The following AGO3 variants were observed in gnomAD, a reference collection of about 807,000 sequenced individuals.
The protein encoded by AGO3 is protein argonaute-3.
Under a neutral mutation model 105.5 loss-of-function variants are expected in AGO3, and 16 were observed. The observed-to-expected ratio is 0.15, with a 90% confidence interval of 0.10 to 0.23. The LOEUF (loss-of-function observed/expected upper bound fraction) is 0.23. Among genes scored for constraint, AGO3 ranks in the 10% least tolerant of loss-of-function variants. The pLI is 1.00. For missense variants in AGO3, 534 were observed against 1,088.0 expected (o/e 0.49, Z 7.16); for synonymous variants, 340 against 367.3 (o/e 0.93, Z 0.85).
chr1:35,945,208 CTTTTCTTTT>C (rs556280298), intron 1 of AGO3, among the ~76,000 whole-genome samples: 64 of 136,630 alleles, frequency 4.7e-4, no homozygotes, highest in African/African-American at 1.7e-3. Flanking sequence ...CTTTTCTTTT[CTTTTCTTTT>C]TTTTTTTTAA....
At chr1:35,946,673 T>C (rs867606349) in intron 2 of AGO3, among the ~76,000 whole-genome samples, 1 of 152,316 alleles carries the variant, frequency 6.6e-6, no homozygotes, top group South Asian at 2.1e-4. Context: ...AAATAAGACA[T>C]GTAAGAAGTA....
chr1:36,047,026 C>G (rs148308158), intron 17 of AGO3, among the ~76,000 whole-genome samples: 2,321 of 152,266 alleles, frequency 0.015, 50 homozygotes, highest in African/African-American at 0.053. Flanking sequence ...AGGCAGAACA[C>G]CTGAGGTCGG....
At chr1:35,932,702 T>G (rs1557637337) in intron 1 of AGO3, among the ~76,000 whole-genome samples, 1 of 152,120 alleles carries the variant, frequency 6.6e-6, no homozygotes, top group Non-Finnish European at 1.5e-5. Flanking sequence ...TTTCGACTCT[T>G]ATTCAGTTTT....
intron 2 of AGO3, among the ~76,000 whole-genome samples, chr1:35,953,624 C>G (rs1014080272): frequency 3.3e-5 from 5 of 151,694 alleles, no homozygotes; most frequent in Non-Finnish European, 7.4e-5. Context: ...CTCCCAGGTT[C>G]AAGCGATTCT....
chr1:36,009,500 G>A lies in AGO3; in HGVS notation c.1055G>A (p.Arg352Gln), dbSNP rs764504147. ...GTCTGTAATATTGTGGCAGGGCAAC[G>A]ATGTATCAAGAAGCTAACAGACAAT... ...LEVCNIVAGQ[R>Q]CIKKLTDNQT... The change falls in exon 9 of 19, where the codon CGA becomes CAA. Residue 352 changes from arginine to glutamine, a missense_variant. By Grantham distance (43) the Arg-to-Gln change is conservative (BLOSUM62 1). Coordinates refer to ENST00000373191, the MANE Select transcript of AGO3 (RefSeq NM_024852.4). The A allele has an allele frequency of 1.9e-6, 3 of 1,613,446 alleles. No homozygotes were observed. Among genetic ancestry groups the A allele is most frequent in the African/African-American group, 1.3e-5 (1 of 74,864 alleles).
At position 36,062,248 on chromosome 1, in the gene AGO3, C is replaced by G. The variant is rs914338496; in HGVS notation, c.*6503C>G. 1.3e-5 allele frequency: 2 copies of G among 150,996 alleles called. No homozygotes were observed. Among genetic ancestry groups the G allele is most frequent in the African/African-American group, 4.9e-5 (2 of 40,974 alleles). 9.4% of individuals were successfully genotyped at this position (150,996 alleles called of 1,614,324 possible). A position where few individuals can be genotyped will look rare whatever the true frequency, so the allele number is the denominator to read the frequency against. On this transcript the variant is annotated 3_prime_UTR_variant, in exon 19 of 19. Coordinates refer to ENST00000373191, the MANE Select transcript of AGO3 (RefSeq NM_024852.4). ...CTCAATCTCAGCTTACTGCAAACTCCGCCTCCCGGGTTCAAGTGATTCTCG... is the reference window on the plus strand; with the variant it reads ...CTCAATCTCAGCTTACTGCAAACTCGGCCTCCCGGGTTCAAGTGATTCTCG...
intron 3 of AGO3, among the ~76,000 whole-genome samples, chr1:35,969,039 A>G (rs980612731): frequency 6.6e-6 from 1 of 151,910 alleles, no homozygotes; most frequent in Non-Finnish European, 1.5e-5. Context: ...GGCCATTTGT[A>G]TATCTTCTTT....
At chr1:36,053,745 ATTTTTTTTTT>A (rs71034711) in intron 17 of AGO3, among the ~76,000 whole-genome samples, 3 of 81,296 alleles carry the variant, frequency 3.7e-5, no homozygotes, top group South Asian at 4.6e-4. Context: ...CACCTGGCTA[ATTTTTTTTTT>A]TTTTTTTTTT....
At chr1:36,005,798 G>T (rs1640309238) in intron 6 of AGO3, 4 of 985,220 alleles carry the variant, frequency 4.1e-6, no homozygotes, top group African/African-American at 1.7e-5. Flanking sequence ...CTGCTCAGGG[G>T]CCCAAAGAAA....
At chr1:35,934,788 T>C (rs906014524) in intron 1 of AGO3, among the ~76,000 whole-genome samples, 1 of 152,046 alleles carries the variant, frequency 6.6e-6, no homozygotes, top group Non-Finnish European at 1.5e-5. Context: ...GTAGATGGGA[T>C]TACAGGCGCG....
rs530013281 is a variant in AGO3 at position 36,019,862 on chromosome 1, G to A, written c.1406+5814G>A. ...CGGCTCACTGCAACTTCCACCTCCC[G>A]GGTTCAAGCAATTCTTGTGCCTCAG... On this transcript the variant is annotated intron_variant, in intron 11 of 18. Transcript: ENST00000373191. 1.1e-4 allele frequency among the ~76,000 whole-genome samples: 16 copies of A among 152,094 alleles called. No individual in the cohort carries two copies. The East Asian group carries it at 1.7e-3, about 17-fold the overall frequency.
At chr1:36,007,435 G>A (rs1640389726) in intron 6 of AGO3, among the ~76,000 whole-genome samples, 1 of 152,116 alleles carries the variant, frequency 6.6e-6, no homozygotes, top group African/African-American at 2.4e-5. Context: ...GGTGGCTCAC[G>A]CCTGTAATCT....
chr1:35,956,570 G>A lies in AGO3; in HGVS notation c.192-10385G>A, dbSNP rs549849225. 2.6e-5 allele frequency among the ~76,000 whole-genome samples: 4 copies of A among 151,986 alleles called. No homozygotes were observed. In the East Asian group the frequency reaches 7.7e-4, roughly 29 times the overall value. ...AAAACACACAGGGATTGGAAAGATA[G>A]GAGAACCAGGACAAAGTAGAAGCTA... On this transcript the variant is annotated intron_variant, in intron 2 of 18. Coordinates refer to ENST00000373191, the MANE Select transcript of AGO3 (RefSeq NM_024852.4).
chr1:35,934,721 G>A (rs772236038), intron 1 of AGO3, among the ~76,000 whole-genome samples: 1 of 151,970 alleles, frequency 6.6e-6, no homozygotes, highest in Non-Finnish European at 1.5e-5. Flanking sequence ...CATGATATTG[G>A]CTCACTGCAG....
At chr1:36,014,411 G>A (rs1166033130) in intron 11 of AGO3, among the ~76,000 whole-genome samples, 3 of 151,646 alleles carry the variant, frequency 2.0e-5, no homozygotes, top group Non-Finnish European at 4.4e-5. Context: ...GCCCGCCTTG[G>A]CCCCCCAAGG....
At position 36,058,865 on chromosome 1, in the gene AGO3, TC is replaced by T. The variant is rs1287563383; in HGVS notation, c.*3121del. 1.3e-5 allele frequency: 2 copies of T among 152,120 alleles called. No individual in the cohort carries two copies. Among genetic ancestry groups the T allele is most frequent in the East Asian group, 3.8e-4 (2 of 5,202 alleles). The allele number at this position is 152,120 out of a possible 1,614,324, so 9.4% of individuals were successfully genotyped here. ...TACACTGAAATTTTACTGAATATAG[TC>T]AGGATCATGGGCAAGAGAAGAAAAT... On this transcript the variant is annotated 3_prime_UTR_variant, in exon 19 of 19. Transcript: ENST00000373191.
At position 36,063,336 on chromosome 1, in the gene AGO3, C is replaced by A. The variant is rs1280433923; in HGVS notation, c.*7591C>A. On this transcript the variant is annotated 3_prime_UTR_variant, in exon 19 of 19. Coordinates refer to ENST00000373191, the MANE Select transcript of AGO3 (RefSeq NM_024852.4). ...TTACCTGACTACAGTTTTGGGGAAA[C>A]CTGTCAAATAAATAATTGTTACATG... 1 of 151,930 alleles carries A rather than the reference C, an allele frequency of 6.6e-6. No individual in the cohort carries two copies. Among genetic ancestry groups the A allele is most frequent in the East Asian group, 1.9e-4 (1 of 5,194 alleles). 9.4% of individuals were successfully genotyped at this position (151,930 alleles called of 1,614,324 possible). A position where few individuals can be genotyped will look rare whatever the true frequency, so the allele number is the denominator to read the frequency against.
chr1:35,969,879 C>T (rs1279768771), intron 3 of AGO3, among the ~76,000 whole-genome samples: 2 of 152,126 alleles, frequency 1.3e-5, no homozygotes, highest in African/African-American at 4.8e-5. Flanking sequence ...ACGTATCTAA[C>T]TATAGAAAAG....
rs563796913 is a variant in AGO3, at chr1:36,059,012, T to C, written c.*3267T>C. ...GGAAACTTTAGGGAATGACTGTAGA[T>C]ACCCTTTCTCTATGTACTCTCTCAC... On this transcript the variant is annotated 3_prime_UTR_variant, in exon 19 of 19. Transcript: ENST00000373191. The C allele has an allele frequency of 6.6e-6, 1 of 152,208 alleles. No individual in the cohort carries two copies. The highest frequency in any genetic ancestry group is 1.5e-5 in the Non-Finnish European group (1 of 68,028). The allele number at this position is 152,208 out of a possible 1,614,324, so 9.4% of individuals were successfully genotyped here. A position where few individuals can be genotyped will look rare whatever the true frequency, so the allele number is the denominator to read the frequency against.
Sources: allele counts gnomAD v4.1 joint callset (sites outside exome capture counted in the v4.1 genomes callset), GRCh38; gene constraint gnomAD v4.1.1; transcripts MANE v1.5; gene names NCBI Gene and HGNC (gene_info 2026-07-23, HGNC 2026-07-21).